AGMO: variants seen among roughly 807,000 people sequenced by gnomAD.
The protein encoded by AGMO is glyceryl-ether monooxygenase.
AGMO carries 75 observed loss-of-function variants against 60.2 expected under a neutral mutation model. The observed-to-expected ratio is 1.25, with a 90% confidence interval of 1.03 to 1.51. The LOEUF is 1.51. Among genes scored for constraint, AGMO ranks in the 40% most tolerant of loss-of-function variants. The pLI, the probability that AGMO is intolerant of heterozygous loss-of-function variation, is 0.00. For synonymous variants in AGMO, 261 were observed against 177.1 expected (o/e 1.47, Z -3.76); for missense variants, 763 against 525.5 (o/e 1.45, Z -4.42).
chr7:15,470,956 A>G (rs574514929), intron 3 of AGMO, among the ~76,000 whole-genome samples: 153 of 152,132 alleles, frequency 1.0e-3, no homozygotes, highest in South Asian at 4.1e-3. Context: ...AGTTTTTAAA[A>G]GCATAGCCAG....
intron 3 of AGMO, among the ~76,000 whole-genome samples, chr7:15,460,114 T>G (rs987352602): frequency 2.0e-5 from 3 of 150,434 alleles, no homozygotes; most frequent in East Asian, 1.9e-4. Context: ...CCCTTTTTTT[T>G]TTGTTTTTTT....
intron 12 of AGMO, among the ~76,000 whole-genome samples, chr7:15,222,511 T>C (rs898388946): frequency 6.6e-6 from 1 of 152,134 alleles, no homozygotes; most frequent in Non-Finnish European, 1.5e-5. Flanking sequence ...ATGTTAGTCA[T>C]CTTGCTTTTT....
At chr7:15,190,133 A>T in the AGMO span, among the ~76,000 whole-genome samples, 4 of 1,426 alleles carry the variant, frequency 2.8e-3, no homozygotes, top group Non-Finnish European at 5.8e-3. Flanking sequence ...ATATTTATAT[A>T]TATATATATA....
In AGMO at chr7:15,385,648, T is replaced by A. The variant is rs1224915449; in HGVS notation, c.958-86A>T. 3.9e-6 allele frequency: 3 copies of A among 768,472 alleles called. No homozygotes were observed. The Admixed American group carries it at 7.3e-5, about 19-fold the overall frequency. 47.6% of individuals were successfully genotyped at this position (768,472 alleles called of 1,614,324 possible). A position where few individuals can be genotyped will look rare whatever the true frequency, so the allele number is the denominator to read the frequency against. ...CACACTAAGAGATATTTGAAAAAAG[T>A]ATCTGCTATTTTTTTTAAAAAAAGA... is the stretch of plus-strand genomic sequence containing the variant. On this transcript the variant is annotated intron_variant, in intron 9 of 12. Transcript: ENST00000342526.
chr7:15,295,545 G>A (rs10266122), intron 12 of AGMO, among the ~76,000 whole-genome samples: 3,953 of 152,086 alleles, frequency 0.026, 178 homozygotes, highest in African/African-American at 0.09. Flanking sequence ...TAACAAATAA[G>A]TAGTTGGAGA....
intron 10 of AGMO, among the ~76,000 whole-genome samples, chr7:15,377,094 A>C (rs1163787745): frequency 6.6e-6 from 1 of 152,122 alleles, no homozygotes; most frequent in Admixed American, 6.5e-5. Context: ...ATTATTGGCT[A>C]CAGTGAATCT....
At chr7:15,488,066 A>G (rs1782967888) in intron 3 of AGMO, among the ~76,000 whole-genome samples, 1 of 152,186 alleles carries the variant, frequency 6.6e-6, no homozygotes, top group South Asian at 2.1e-4. Flanking sequence ...AAGGAAAGGA[A>G]GGAGCACATT....
intron 3 of AGMO, among the ~76,000 whole-genome samples, chr7:15,503,104 AT>A (rs1291212215): frequency 4.0e-5 from 6 of 151,762 alleles, no homozygotes; most frequent in Admixed American, 2.0e-4. Context: ...TCATTCATTC[AT>A]TTTTTTTCAA....
intron 3 of AGMO, among the ~76,000 whole-genome samples, chr7:15,532,051 A>T (rs1387986188): frequency 1.3e-5 from 2 of 152,120 alleles, no homozygotes; most frequent in African/African-American, 2.4e-5. Context: ...ATGATAATGG[A>T]TTGAGAGAAC....
intron 5 of AGMO, among the ~76,000 whole-genome samples, chr7:15,399,750 C>G (rs1460972055): frequency 1.3e-5 from 2 of 151,944 alleles, no homozygotes; most frequent in Non-Finnish European, 2.9e-5. Context: ...GCCATAAGAC[C>G]GTCGTTATGT....
At chr7:15,549,186 C>A (rs1330615229) in intron 2 of AGMO, among the ~76,000 whole-genome samples, 1 of 144,868 alleles carries the variant, frequency 6.9e-6, no homozygotes, top group Admixed American at 6.9e-5. Context: ...TGGAAAGGAA[C>A]AACCGGTACC....
At chr7:15,491,634 T>A (rs897690366) in intron 3 of AGMO, among the ~76,000 whole-genome samples, 2 of 152,136 alleles carry the variant, frequency 1.3e-5, no homozygotes, top group Non-Finnish European at 2.9e-5. Context: ...CAACCCAAGA[T>A]GAAGCCCCAA....
chr7:15,342,579 C>T (rs1446642901), intron 12 of AGMO, among the ~76,000 whole-genome samples: 1 of 151,756 alleles, frequency 6.6e-6, no homozygotes, highest in Non-Finnish European at 1.5e-5. Flanking sequence ...AGGTTTTAGC[C>T]AGGTTCCTCA....
intron 3 of AGMO, among the ~76,000 whole-genome samples, chr7:15,446,297 C>T (rs1232601223): frequency 6.6e-6 from 1 of 152,074 alleles, no homozygotes; most frequent in Non-Finnish European, 1.5e-5. Flanking sequence ...TACATTTCTC[C>T]TAGTAATTCT....
intron 12 of AGMO, among the ~76,000 whole-genome samples, chr7:15,356,846 G>A (rs1782550133): frequency 6.6e-6 from 1 of 151,308 alleles, no homozygotes; most frequent in African/African-American, 2.4e-5. Flanking sequence ...AGTGGCTCAA[G>A]CCTGTAATCC....
chr7:15,493,521 C>G (rs1010078243), intron 3 of AGMO, among the ~76,000 whole-genome samples: 1 of 151,138 alleles, frequency 6.6e-6, no homozygotes, highest in African/African-American at 2.4e-5. Context: ...CTGCAGGCGC[C>G]CGCCACCACA....
At chr7:15,454,280 A>C (rs1018674252) in intron 3 of AGMO, among the ~76,000 whole-genome samples, 4 of 152,056 alleles carry the variant, frequency 2.6e-5, no homozygotes, top group African/African-American at 9.7e-5. Context: ...TGTATACTTG[A>C]AATTTGCTTG....
At chr7:15,548,143 A>C (rs1784842034) in intron 2 of AGMO, among the ~76,000 whole-genome samples, 1 of 152,102 alleles carries the variant, frequency 6.6e-6, no homozygotes, top group African/African-American at 2.4e-5. Flanking sequence ...CAGAAAGGAC[A>C]TCCACATCAA....
chr7:15,468,652 C>T (rs80334439), intron 3 of AGMO, among the ~76,000 whole-genome samples: 3 of 151,864 alleles, frequency 2.0e-5, no homozygotes, highest in South Asian at 2.1e-4. Flanking sequence ...GATATGTATT[C>T]GCATATTACA....
Sources: gnomAD v4.1 joint callset for allele counts (sites outside exome capture counted in the v4.1 genomes callset) on GRCh38, gnomAD v4.1.1 for gene constraint, MANE v1.5 for transcripts, NCBI Gene and HGNC (gene_info 2026-07-23, HGNC 2026-07-21) for gene names.